Variants in MMP26 observed in about 807,000 individuals in gnomAD.
The protein encoded by MMP26 is matrix metallopeptidase 26.
Under a neutral mutation model 31.0 loss-of-function variants are expected in MMP26, and 33 were observed. The ratio of observed to expected loss-of-function variants is 1.06; its 90% confidence interval spans 0.81 to 1.42. The LOEUF (loss-of-function observed/expected upper bound fraction) is 1.42, where lower values mean the gene tolerates loss of function less well. Among genes scored for constraint, MMP26 ranks in the 40% most tolerant of loss-of-function variants. The probability of loss-of-function intolerance (pLI) is 0.00; values close to 1 mark genes in which losing one functional copy is unlikely to be tolerated. For synonymous variants in MMP26, 122 were observed against 114.9 expected (o/e 1.06, Z -0.40); for missense variants, 347 against 316.1 (o/e 1.10, Z -0.74).
intron 2 of MMP26, chr11:4,907,215 T>C: frequency 1.8e-6 from 1 of 561,304 alleles, no homozygotes; most frequent in Non-Finnish European, 3.2e-6. Context: ...CTGGTAAATT[T>C]TGAAGAGTGC....
At chr11:4,860,271 T>C in intron 2 of MMP26, 1 of 471,322 alleles carries the variant, frequency 2.1e-6, no homozygotes, top group Non-Finnish European at 4.4e-6. Context: ...GCATGATGCA[T>C]GCATCAAAAA....
intron 2 of MMP26, among the ~76,000 whole-genome samples, chr11:4,853,456 G>C (rs1483100763): frequency 6.6e-6 from 1 of 151,814 alleles, no homozygotes; most frequent in African/African-American, 2.4e-5. Flanking sequence ...TTAAAAAATT[G>C]AAAACCCTTA....
chr11:4,926,270 T>A (rs543660927), intron 2 of MMP26, among the ~76,000 whole-genome samples: 1 of 150,932 alleles, frequency 6.6e-6, no homozygotes, highest in East Asian at 1.9e-4. Context: ...GAGGAAGAAA[T>A]AAAGGAAAGA....
In MMP26 at chr11:4,781,375, G is replaced by A. The variant is rs984725353; in HGVS notation, c.-145+14034G>A. Among the ~76,000 whole-genome samples, 8 of 72,316 alleles carry A rather than the reference G, an allele frequency of 1.1e-4. 1 individual carries two copies. The highest frequency in any genetic ancestry group is 5.5e-4 in the African/African-American group (5 of 9,018). The allele number at this position is 72,316 out of a possible 152,430, so 47.4% of individuals were successfully genotyped here. ...ATCCTGGCTAACAAGGTGAAACCCCGTCTCTACTAAAAATACAAAAAATTA... is the reference window on the plus strand; with the variant it reads ...ATCCTGGCTAACAAGGTGAAACCCCATCTCTACTAAAAATACAAAAAATTA... On this transcript the variant is annotated intron_variant, in intron 2 of 7. Coordinates refer to ENST00000380390, the MANE Select transcript of MMP26 (RefSeq NM_021801.5).
rs73401071 is a variant in MMP26, at chr11:4,797,196, C to T, written c.-145+29855C>T. Among the ~76,000 whole-genome samples the T allele has an allele frequency of 4.5e-3, 681 of 152,194 alleles. 4 individuals are homozygous for T. Among genetic ancestry groups the T allele is most frequent in the African/African-American group, 0.015 (612 of 41,522 alleles). On this transcript the variant is annotated intron_variant, in intron 2 of 7. Transcript: ENST00000380390. ...AATCAGTTGAGAAACAATTACAAAACATGACTGTTGAGGGTTAGTAAGACA... is the reference window on the plus strand; with the variant it reads ...AATCAGTTGAGAAACAATTACAAAATATGACTGTTGAGGGTTAGTAAGACA...
At chr11:4,905,385 A>G (rs1200780581) in intron 2 of MMP26, among the ~76,000 whole-genome samples, 1 of 152,160 alleles carries the variant, frequency 6.6e-6, no homozygotes, top group Non-Finnish European at 1.5e-5. Flanking sequence ...AGTAAAATAT[A>G]TTGGCCCAAG....
chr11:4,822,566 T>G, intron 2 of MMP26: 1 of 466,390 alleles, frequency 2.1e-6, no homozygotes, highest in Non-Finnish European at 3.5e-6. Flanking sequence ...GATTTTGTTT[T>G]CAATATGAAG....
intron 2 of MMP26, among the ~76,000 whole-genome samples, chr11:4,809,889 G>A (rs1849326412): frequency 6.6e-6 from 1 of 152,212 alleles, no homozygotes; most frequent in Admixed American, 6.5e-5. Context: ...CTGAAGTACA[G>A]ATGATCACTC....
intron 2 of MMP26, among the ~76,000 whole-genome samples, chr11:4,892,600 C>G (rs926585191): frequency 2.0e-5 from 3 of 152,184 alleles, no homozygotes; most frequent in African/African-American, 7.2e-5. Context: ...TTAATTAAAT[C>G]TTATTAAACT....
Position 4,705,176 on chromosome 11 carries a change from C to T in MMP26, c.-217+131C>T, listed in dbSNP as rs559179739. The T allele has an allele frequency of 2.6e-5, 4 of 152,158 alleles. No homozygotes were observed. The South Asian group carries it at 6.2e-4, about 24-fold the overall frequency. The allele number at this position is 152,158 out of a possible 1,614,324, so 9.4% of individuals were successfully genotyped here. On this transcript the variant is annotated intron_variant, in intron 1 of 7. Coordinates refer to ENST00000380390, the MANE Select transcript of MMP26 (RefSeq NM_021801.5). ...ATGAACTCAGTAGTGTATTTTCATA[C>T]GTTATGTCAACTCAAAAATATCGTT...
intron 2 of MMP26, among the ~76,000 whole-genome samples, chr11:4,869,016 T>C (rs980243018): frequency 6.6e-6 from 1 of 152,336 alleles, no homozygotes; most frequent in African/African-American, 2.4e-5. Context: ...GCTAGCCATA[T>C]GTAGAAAGCT....
intron 2 of MMP26, among the ~76,000 whole-genome samples, chr11:4,772,975 G>A (rs1027739947): frequency 3.3e-5 from 5 of 151,970 alleles, no homozygotes; most frequent in Non-Finnish European, 7.4e-5. Context: ...ATCTCTACCC[G>A]GCATTCCCAT....
rs538516095 is a variant in MMP26, at chr11:4,714,692, T to C, written c.-217+9647T>C. On this transcript the variant is annotated intron_variant, in intron 1 of 7. Coordinates refer to ENST00000380390, the MANE Select transcript of MMP26 (RefSeq NM_021801.5). ...GACCAAATTTGAACCTAGGTTTGTATGACGGTATAACAATATCACTTACTC... is the reference window on the plus strand; with the variant it reads ...GACCAAATTTGAACCTAGGTTTGTACGACGGTATAACAATATCACTTACTC... 5.9e-5 allele frequency among the ~76,000 whole-genome samples: 9 copies of C among 152,260 alleles called. No homozygotes were observed. The East Asian group carries it at 1.7e-3, about 29-fold the overall frequency.
intron 2 of MMP26, among the ~76,000 whole-genome samples, chr11:4,846,267 A>G (rs1055047176): frequency 6.6e-6 from 1 of 152,176 alleles, no homozygotes; most frequent in African/African-American, 2.4e-5. Context: ...GGATGAAATT[A>G]AAGGTCATTA....
At chr11:4,986,916 T>C (rs914639214) in intron 2 of MMP26, among the ~76,000 whole-genome samples, 7 of 102,872 alleles carry the variant, frequency 6.8e-5, no homozygotes, top group Non-Finnish European at 9.9e-5. Context: ...TCTCTCTCTC[T>C]CTCTCTCTCT....
At chr11:4,991,231 A>G (rs1846996953) in intron 5 of MMP26, 140 bp from the exon 6 acceptor site, 2 of 1,070,636 alleles carry the variant, frequency 1.9e-6, no homozygotes, top group South Asian at 4.4e-5. Flanking sequence ...TTCTCTGCAT[A>G]GATAATGCCT....
chr11:4,992,039 C>T lies in MMP26; in HGVS notation c.671C>T (p.Ser224Phe), dbSNP rs751027173. 8.1e-6 allele frequency: 13 copies of T among 1,613,904 alleles called. No individual in the cohort carries two copies. The highest frequency in any genetic ancestry group is 1.1e-5 in the Non-Finnish European group (13 of 1,179,968). ...LGLQHSGNQS[S>F]IMYPTYWYHD... ...CTGCAGCACTCTGGGAATCAGAGCT[C>T]CATAATGTACCCCACTTACTGGTAT... Residue 224 changes from serine to phenylalanine, a missense_variant, in exon 7 of 8, where the codon TCC becomes TTC. Ser to Phe is a radical substitution (Grantham distance 155). Coordinates refer to ENST00000380390, the MANE Select transcript of MMP26 (RefSeq NM_021801.5).
At chr11:4,927,840 G>C (rs1851294144) in intron 2 of MMP26, among the ~76,000 whole-genome samples, 2 of 152,098 alleles carry the variant, frequency 1.3e-5, no homozygotes, top group African/African-American at 4.8e-5. Flanking sequence ...GTCACAAGAG[G>C]CTGGGAAACC....
intron 2 of MMP26, chr11:4,847,362 A>G (rs1404570309): frequency 1.3e-5 from 2 of 152,238 alleles, no homozygotes; most frequent in Admixed American, 6.5e-5. Flanking sequence ...ATAAAACATT[A>G]TAAGTGTTCA....
Sources: allele counts gnomAD v4.1 joint callset (sites outside exome capture counted in the v4.1 genomes callset), GRCh38; gene constraint gnomAD v4.1.1; transcripts MANE v1.5; gene names NCBI Gene and HGNC (gene_info 2026-07-23, HGNC 2026-07-21).